The following SPDYA variants were observed in gnomAD, a reference collection of about 807,000 sequenced individuals.
SPDYA encodes speedy protein A.
A neutral mutation model predicts 36.7 loss-of-function variants in SPDYA; 11 were observed. The ratio of observed to expected loss-of-function variants is 0.30; its 90% confidence interval spans 0.19 to 0.50. The LOEUF is 0.50. Among genes scored for constraint, SPDYA ranks in the 20% least tolerant of loss-of-function variants. SPDYA has a pLI of 0.98. For missense variants in SPDYA, 287 were observed against 370.9 expected (o/e 0.77, Z 1.86); for synonymous variants, 115 against 118.7 (o/e 0.97, Z 0.20).
chr2:28,839,668 A>AT (rs1668701444), intron 6 of SPDYA, among the ~76,000 whole-genome samples: 1 of 151,800 alleles, frequency 6.6e-6, no homozygotes, highest in South Asian at 2.1e-4. Context: ...CGCCCGGCTA[A>AT]TTTTTTTGTA....
Position 28,850,251 on chromosome 2 carries a change from AGAG to A in SPDYA, c.*311_*313del, listed in dbSNP as rs761124556. On this transcript the variant is annotated 3_prime_UTR_variant, in exon 8 of 8. Coordinates refer to ENST00000334056, the MANE Select transcript of SPDYA (RefSeq NM_182756.4). Reference sequence around the variant, plus strand: ...CAACTTGACAAGAAAAGCTAATTTAAGAGAAGAAAAACATAAAGTCATTATATT... The same window carrying A: ...CAACTTGACAAGAAAAGCTAATTTAAAAGAAAAACATAAAGTCATTATATT... The A allele has an allele frequency of 1.9e-6, 3 of 1,610,924 alleles. No individual in the cohort carries two copies. The South Asian group carries it at 3.3e-5, about 18-fold the overall frequency.
At position 28,840,306 on chromosome 2, in the gene SPDYA, A is replaced by G. The variant is rs1668718880; in HGVS notation, c.687A>G (p.Ser229=). 5 of 1,611,914 alleles carry G rather than the reference A, an allele frequency of 3.1e-6. No individual in the cohort carries two copies. The highest frequency in any genetic ancestry group is 4.2e-6 in the Non-Finnish European group (5 of 1,179,138). The change falls in exon 7 of 8, where the codon TCA becomes TCG. Residue 229 remains serine (S), a synonymous_variant. Coordinates refer to ENST00000334056, the MANE Select transcript of SPDYA (RefSeq NM_182756.4). The part of the protein sequence containing the change: ...RGPSATPVDC[S]LCGKKRRYVR... ...CTAGTGCCACACCAGTAGATTGTTC[A>G]CTCTGTGGTAAAAAAAGAAGATATG...
At chr2:28,839,341 A>C (rs1369333669) in intron 6 of SPDYA, among the ~76,000 whole-genome samples, 1 of 150,792 alleles carries the variant, frequency 6.6e-6, no homozygotes, top group Non-Finnish European at 1.5e-5. Context: ...TCCTCGCAGC[A>C]ACCCTCTAAA....
chr2:28,838,178 ATTTTTTTT>A lies in SPDYA; in HGVS notation c.553-1979_553-1972del, dbSNP rs61135451. Among the ~76,000 whole-genome samples the A allele has an allele frequency of 1.5e-4, 17 of 115,556 alleles. No individual in the cohort carries two copies. In the East Asian group the frequency reaches 3.8e-3, roughly 26 times the overall value. 75.8% of individuals were successfully genotyped at this position (115,556 alleles called of 152,430 possible). A position where few individuals can be genotyped will look rare whatever the true frequency, so the allele number is the denominator to read the frequency against. ...TTGCCCAAGGTCATAGAAGTAACGGATTTTTTTTTTTTTTTTTTTTTTGAGATAGTTTC... is the reference window on the plus strand; with the variant it reads ...TTGCCCAAGGTCATAGAAGTAACGGATTTTTTTTTTTTTTGAGATAGTTTC... On this transcript the variant is annotated intron_variant, in intron 6 of 7. Coordinates refer to ENST00000334056, the MANE Select transcript of SPDYA (RefSeq NM_182756.4).
In SPDYA at chr2:28,850,195, G is replaced by A. The variant is rs1387260870; in HGVS notation, c.*254G>A. On this transcript the variant is annotated 3_prime_UTR_variant, in exon 8 of 8. Transcript: ENST00000334056. ...TTCAAGTCAGTTACTGTCATCTGGA[G>A]TACTCAGTTAAGTTGTGGTTTGACC... 4 of 1,610,050 alleles carry A rather than the reference G, an allele frequency of 2.5e-6. No individual in the cohort carries two copies. The highest frequency in any genetic ancestry group is 3.4e-6 in the Non-Finnish European group (4 of 1,177,790).
chr2:28,826,304 CTT>C (rs1196257050), intron 5 of SPDYA, among the ~76,000 whole-genome samples: 1 of 151,652 alleles, frequency 6.6e-6, no homozygotes, highest in Non-Finnish European at 1.5e-5. Flanking sequence ...GCCTGGTTAA[CTT>C]TTGTATTTTT....
In SPDYA at chr2:28,837,568, A is replaced by G. The variant is rs527546692; in HGVS notation, c.553-2604A>G. Among the ~76,000 whole-genome samples the G allele has an allele frequency of 3.9e-5, 6 of 152,268 alleles. No homozygotes were observed. The East Asian group carries it at 7.7e-4, about 20-fold the overall frequency. On this transcript the variant is annotated intron_variant, in intron 6 of 7. Coordinates refer to ENST00000334056, the MANE Select transcript of SPDYA (RefSeq NM_182756.4). ...AATACTTTTTAAGAACTTTCCAGGCACTGTTCTAAGTATTGCCCATGTATT... is the reference window on the plus strand; with the variant it reads ...AATACTTTTTAAGAACTTTCCAGGCGCTGTTCTAAGTATTGCCCATGTATT...
chr2:28,830,683 T>G (rs1668460487), intron 6 of SPDYA, among the ~76,000 whole-genome samples: 1 of 152,238 alleles, frequency 6.6e-6, no homozygotes, highest in African/African-American at 2.4e-5. Context: ...TGAAACACTA[T>G]TTAACACATA....
intron 4 of SPDYA, among the ~76,000 whole-genome samples, chr2:28,820,186 G>A (rs531007931): frequency 6.6e-6 from 1 of 152,044 alleles, no homozygotes; most frequent in Non-Finnish European, 1.5e-5. Flanking sequence ...TCAGTAATTT[G>A]TAGGGTAAAA....
At chr2:28,826,617 T>C (rs1276666613) in intron 5 of SPDYA, among the ~76,000 whole-genome samples, 11 of 125,360 alleles carry the variant, frequency 8.8e-5, no homozygotes, top group African/African-American at 2.4e-4. Flanking sequence ...CTCTCTTTTT[T>C]TTTTTTTTTT....
intron 6 of SPDYA, among the ~76,000 whole-genome samples, chr2:28,834,427 G>A (rs1025489297): frequency 6.6e-6 from 1 of 152,146 alleles, no homozygotes; most frequent in Non-Finnish European, 1.5e-5. Context: ...TAACATGAAT[G>A]TTCATAGCAG....
rs986156772 is a variant in SPDYA at position 28,850,569 on chromosome 2, T to C, written c.*628T>C. 2 of 565,526 alleles carry C rather than the reference T, an allele frequency of 3.5e-6. No homozygotes were observed. The highest frequency in any genetic ancestry group is 3.8e-5 in the African/African-American group (2 of 52,734). 35.0% of individuals were successfully genotyped at this position (565,526 alleles called of 1,614,324 possible). A position where few individuals can be genotyped will look rare whatever the true frequency, so the allele number is the denominator to read the frequency against. Reference sequence around the variant, plus strand: ...CTGCCAGTTATTATACAGAAACTATTTGTCAATGATTATGTAATAAACATA... The same window carrying C: ...CTGCCAGTTATTATACAGAAACTATCTGTCAATGATTATGTAATAAACATA... On this transcript the variant is annotated 3_prime_UTR_variant, in exon 8 of 8. Transcript: ENST00000334056.
chr2:28,824,545 C>CTTTCTTTCTTTTTT (rs1553315249), intron 5 of SPDYA, among the ~76,000 whole-genome samples: 7 of 121,882 alleles, frequency 5.7e-5, no homozygotes, highest in Non-Finnish European at 8.2e-5. Flanking sequence ...TTTTTCTTTT[C>CTTTCTTTCTTTTTT]TTTCTTTCTT....
intron 6 of SPDYA, among the ~76,000 whole-genome samples, chr2:28,837,949 T>C (rs979254732): frequency 3.0e-4 from 45 of 151,468 alleles, no homozygotes; most frequent in Non-Finnish European, 2.9e-5. Flanking sequence ...AGTATCAAAT[T>C]TTAGGAACAC....
intron 5 of SPDYA, among the ~76,000 whole-genome samples, chr2:28,823,156 C>T (rs946410095): frequency 2.0e-4 from 31 of 152,150 alleles, no homozygotes; most frequent in African/African-American, 6.7e-4. Flanking sequence ...AGTCATTATT[C>T]GTATTTGATA....
At chr2:28,837,836 C>A (rs1163470778) in intron 6 of SPDYA, among the ~76,000 whole-genome samples, 1 of 150,640 alleles carries the variant, frequency 6.6e-6, no homozygotes, top group Non-Finnish European at 1.5e-5. Context: ...AGAGGAGAAG[C>A]TGACTGGGTT....
At chr2:28,822,291 CATT>C (rs1470642460) in intron 4 of SPDYA, 31 bp from the exon 5 acceptor site, 21 of 1,045,796 alleles carry the variant, frequency 2.0e-5, no homozygotes, top group Admixed American at 2.6e-5. Flanking sequence ...GAAAGCAAAA[CATT>C]AATATTAATT....
At chr2:28,815,972 AT>A in intron 2 of SPDYA, 24 bp from the exon 3 acceptor site, 1 of 1,463,918 alleles carries the variant, frequency 6.8e-7, no homozygotes, top group South Asian at 1.2e-5. Context: ...TGTGTGATGA[AT>A]AATTGTATGT....
chr2:28,839,990 C>A (rs1668710838), intron 6 of SPDYA, among the ~76,000 whole-genome samples, 182 bp from the exon 7 acceptor site: 1 of 152,110 alleles, frequency 6.6e-6, no homozygotes, highest in African/African-American at 2.4e-5. Context: ...TCTTAAAGAT[C>A]CAAGCAATGA....
Sources: gnomAD v4.1 joint callset for allele counts (sites outside exome capture counted in the v4.1 genomes callset) on GRCh38, gnomAD v4.1.1 for gene constraint, MANE v1.5 for transcripts, NCBI Gene and HGNC (gene_info 2026-07-23, HGNC 2026-07-21) for gene names.